CUX1: variants seen among roughly 807,000 people sequenced by gnomAD.
CUX1 encodes the protein cut like homeobox 1.
CUX1 carries 31 observed loss-of-function variants against 158.8 expected under a neutral mutation model. The ratio of observed to expected loss-of-function variants is 0.20; its 90% CI spans 0.15 to 0.26. The LOEUF is 0.26. Among genes scored for constraint, CUX1 ranks in the 10% least tolerant of loss-of-function variants. CUX1 has a pLI of 1.00. For synonymous variants in CUX1, 879 were observed against 862.1 expected (o/e 1.02, Z -0.34); for missense variants, 1,589 against 2,014.6 (o/e 0.79, Z 4.04).
intron 3 of CUX1, among the ~76,000 whole-genome samples, chr7:102,067,229 C>CTTTTTTTTT (rs34912215): frequency 3.2e-5 from 3 of 94,018 alleles, no homozygotes; most frequent in Non-Finnish European, 5.8e-5. Context: ...TTTCATGTAA[C>CTTTTTTTTT]TTTTTTTTTT....
intron 2 of CUX1, among the ~76,000 whole-genome samples, chr7:101,973,534 A>G (rs1384580877): frequency 6.6e-6 from 1 of 152,168 alleles, no homozygotes; most frequent in African/African-American, 2.4e-5. Flanking sequence ...ATATAGAAAA[A>G]TGTACACTTC....
chr7:102,163,118 A>G (rs1359370608), intron 9 of CUX1, among the ~76,000 whole-genome samples: 1 of 152,202 alleles, frequency 6.6e-6, no homozygotes, highest in Non-Finnish European at 1.5e-5. Flanking sequence ...GAATATTTCC[A>G]GCAGGAAAAG....
chr7:102,162,009 T>C (rs1790479290), intron 9 of CUX1, among the ~76,000 whole-genome samples: 1 of 151,914 alleles, frequency 6.6e-6, no homozygotes, highest in East Asian at 1.9e-4. Context: ...GGCTCTAACA[T>C]AAAAAGAACT....
chr7:102,055,739 T>G (rs534694227), intron 3 of CUX1, among the ~76,000 whole-genome samples: 62 of 152,256 alleles, frequency 4.1e-4, no homozygotes, highest in Non-Finnish European at 6.2e-4. Flanking sequence ...TGTCTTTCAC[T>G]TTAAGTCAAA....
chr7:101,913,272 G>A, intron 1 of CUX1: 1 of 796,728 alleles, frequency 1.3e-6, no homozygotes, highest in Non-Finnish European at 1.8e-6. Context: ...TTTCTGTGGT[G>A]GCGGGTGGCG....
intron 2 of CUX1, among the ~76,000 whole-genome samples, chr7:101,917,380 A>G (rs1373481874): frequency 6.6e-6 from 1 of 152,252 alleles, no homozygotes; most frequent in Non-Finnish European, 1.5e-5. Flanking sequence ...GTAGCAGAGT[A>G]GAAAGAAGGC....
chr7:102,278,120 G>A (rs1414735251), intron 18 of CUX1: 37 of 1,317,248 alleles, frequency 2.8e-5, no homozygotes, highest in Non-Finnish European at 3.6e-5. Context: ...GAGAGAGGCC[G>A]ATCAGGGCTC....
At position 102,257,161 on chromosome 7, in the gene CUX1, C is replaced by T. The variant is rs1789985973; in HGVS notation, c.*8119C>T. Reference sequence around the variant, plus strand: ...AACTTACCCCAGGCCAAGGCAAGGGCCCTGCTCACCCCAAGGTAGGCTGGG... The same window carrying T: ...AACTTACCCCAGGCCAAGGCAAGGGTCCTGCTCACCCCAAGGTAGGCTGGG... On this transcript the variant is annotated 3_prime_UTR_variant, in exon 24 of 24. Coordinates refer to ENST00000292535, the MANE Select transcript of CUX1 (RefSeq NM_181552.4). The T allele has an allele frequency of 3.0e-6, 3 of 985,406 alleles. No individual in the cohort carries two copies. The highest frequency in any genetic ancestry group is 3.6e-6 in the Non-Finnish European group (3 of 829,936). 61.0% of individuals were successfully genotyped at this position (985,406 alleles called of 1,614,324 possible).
At position 102,257,403 on chromosome 7, in the gene CUX1, C is replaced by T; in HGVS notation, c.*8361C>T. On this transcript the variant is annotated 3_prime_UTR_variant, in exon 24 of 24. Coordinates refer to ENST00000292535, the MANE Select transcript of CUX1 (RefSeq NM_181552.4). ...TGAGAAAACGGGCATCTCACGTACC[C>T]CCATCTGAGACCTCTTGGAAAAAAA... The T allele has an allele frequency of 8.1e-6, 8 of 985,074 alleles. No homozygotes were observed. Among genetic ancestry groups the T allele is most frequent in the Non-Finnish European group, 9.6e-6 (8 of 829,850 alleles). The allele number at this position is 985,074 out of a possible 1,614,324, so 61.0% of individuals were successfully genotyped here. A position where few individuals can be genotyped will look rare whatever the true frequency, so the allele number is the denominator to read the frequency against.
intron 1 of CUX1, among the ~76,000 whole-genome samples, chr7:101,900,702 G>A (rs1014841119): frequency 1.8e-4 from 28 of 151,958 alleles, no homozygotes; most frequent in Admixed American, 5.9e-4. Flanking sequence ...TGTGAGAAGG[G>A]AACACAGCCA....
intron 3 of CUX1, among the ~76,000 whole-genome samples, chr7:102,057,762 G>T (rs1355675723): frequency 6.6e-6 from 1 of 152,146 alleles, no homozygotes; most frequent in Non-Finnish European, 1.5e-5. Context: ...ACTACTCTTG[G>T]TGAAGATGCT....
chr7:101,937,566 A>G (rs1217187973), intron 2 of CUX1, among the ~76,000 whole-genome samples: 2 of 151,524 alleles, frequency 1.3e-5, no homozygotes, highest in Non-Finnish European at 2.9e-5. Context: ...GCTGCAGTGC[A>G]GTAGCACGAT....
intron 2 of CUX1, among the ~76,000 whole-genome samples, chr7:102,012,906 A>T (rs1295675927): frequency 6.6e-6 from 1 of 152,178 alleles, no homozygotes; most frequent in Non-Finnish European, 1.5e-5. Flanking sequence ...ATATATCAAA[A>T]GCAGTCAGCA....
chr7:101,863,105 A>G (rs539716940), intron 1 of CUX1, among the ~76,000 whole-genome samples: 120 of 152,292 alleles, frequency 7.9e-4, no homozygotes, highest in African/African-American at 2.8e-3. Flanking sequence ...CCACAGATAC[A>G]TCAGTGTGTA....
At chr7:102,016,646 T>C (rs78955780) in intron 2 of CUX1, among the ~76,000 whole-genome samples, 1,674 of 152,314 alleles carry the variant, frequency 0.011, 45 homozygotes, top group African/African-American at 0.039. Flanking sequence ...TAATATGCAA[T>C]TGCATTGCTT....
chr7:102,103,609 C>G (rs1202623973), intron 5 of CUX1, among the ~76,000 whole-genome samples: 2 of 152,076 alleles, frequency 1.3e-5, no homozygotes, highest in Non-Finnish European at 1.5e-5. Flanking sequence ...CTAATTCTTG[C>G]CCTTTTTGTA....
chr7:102,252,666 G>A lies in CUX1; in HGVS notation c.*3624G>A. ...CCTTGTGATAGCCGAGATGGCAGGT[G>A]TGTGAGTTCTGTCCTAGACCTGTGC... On this transcript the variant is annotated 3_prime_UTR_variant, in exon 24 of 24. Transcript: ENST00000292535. The A allele has an allele frequency of 1.0e-6, 1 of 985,424 alleles. No homozygotes were observed. The highest frequency in any genetic ancestry group is 1.2e-6 in the Non-Finnish European group (1 of 829,942). 61.0% of individuals were successfully genotyped at this position (985,424 alleles called of 1,614,324 possible).
At chr7:102,262,265 G>T (rs1481344651), downstream of CUX1, among the ~76,000 whole-genome samples, 2 of 152,198 alleles carry the variant, frequency 1.3e-5, no homozygotes, top group African/African-American at 4.8e-5. Flanking sequence ...TTAGCCAGGC[G>T]TGGTGGCAGG....
At chr7:101,821,840 A>G (rs1584643566) in intron 1 of CUX1, among the ~76,000 whole-genome samples, 2 of 116,320 alleles carry the variant, frequency 1.7e-5, no homozygotes, top group South Asian at 5.4e-4. Flanking sequence ...ATGCCTGGCT[A>G]GTTTTTTTGT....
Sources: allele counts gnomAD v4.1 joint callset (sites outside exome capture counted in the v4.1 genomes callset), GRCh38; gene constraint gnomAD v4.1.1; transcripts MANE v1.5; gene names NCBI Gene and HGNC (gene_info 2026-07-23, HGNC 2026-07-21).